The following SEMA3A variants were observed in gnomAD, a reference collection of about 807,000 sequenced individuals.
SEMA3A encodes the protein semaphorin 3A.
Under a neutral mutation model 97.9 loss-of-function variants are expected in SEMA3A, and 29 were observed. The observed-to-expected ratio is 0.30, with a 90% CI of 0.22 to 0.40. The LOEUF (loss-of-function observed/expected upper bound fraction) is 0.40, where lower values mean the gene tolerates loss of function less well. Ranked by LOEUF, SEMA3A falls within the 10% of genes least tolerant of loss-of-function variation. The pLI, the probability that SEMA3A is intolerant of heterozygous loss-of-function variation, is 1.00. For synonymous variants in SEMA3A, 321 were observed against 323.7 expected (o/e 0.99, Z 0.09); for missense variants, 763 against 951.3 (o/e 0.80, Z 2.60).
At chr7:84,109,527 T>A in intron 4 of SEMA3A, among the ~76,000 whole-genome samples, 1 of 152,242 alleles carries the variant, frequency 6.6e-6, no homozygotes. Flanking sequence ...TGATTTCTAA[T>A]TCATTTGGGT....
chr7:84,421,509 T>A (rs750288366), intron 1 of SEMA3A, among the ~76,000 whole-genome samples: 9 of 152,122 alleles, frequency 5.9e-5, no homozygotes, highest in Non-Finnish European at 1.0e-4. Context: ...ACTCTTTATT[T>A]GTTTCTCTTG....
chr7:84,456,237 T>G (rs941132446), intron 1 of SEMA3A, among the ~76,000 whole-genome samples: 1 of 151,934 alleles, frequency 6.6e-6, no homozygotes, highest in African/African-American at 2.4e-5. Flanking sequence ...TAAAAATAAA[T>G]TAGATATTCC....
chr7:84,144,674 TGA>T (rs1244944864), intron 1 of SEMA3A, among the ~76,000 whole-genome samples: 10 of 152,148 alleles, frequency 6.6e-5, no homozygotes, highest in Admixed American at 6.5e-4. Flanking sequence ...AATAAGCAAG[TGA>T]AAACATCTGT....
chr7:84,470,627 G>C (rs746599581), intron 1 of SEMA3A, among the ~76,000 whole-genome samples: 7 of 152,020 alleles, frequency 4.6e-5, no homozygotes, highest in Non-Finnish European at 7.4e-5. Context: ...CTCATATACA[G>C]ATCATGGCTA....
At chr7:84,430,972 A>C (rs1408946583) in intron 1 of SEMA3A, among the ~76,000 whole-genome samples, 1 of 151,972 alleles carries the variant, frequency 6.6e-6, no homozygotes, top group Non-Finnish European at 1.5e-5. Context: ...AGGTACACAG[A>C]TTTTCCATGT....
intron 1 of SEMA3A, among the ~76,000 whole-genome samples, chr7:84,152,172 C>T (rs548521777): frequency 0.08 from 12,147 of 151,444 alleles, 560 homozygotes; most frequent in Non-Finnish European, 0.11. Flanking sequence ...TACCATTTGA[C>T]CCAGCCATCC....
intron 3 of SEMA3A, among the ~76,000 whole-genome samples, chr7:84,287,361 A>C (rs1485930368): frequency 6.6e-6 from 1 of 152,064 alleles, no homozygotes; most frequent in Non-Finnish European, 1.5e-5. Flanking sequence ...CCTTACTCTT[A>C]AGGCAATTAA....
At chr7:84,328,731 G>C (rs1801834288) in intron 2 of SEMA3A, among the ~76,000 whole-genome samples, 1 of 151,678 alleles carries the variant, frequency 6.6e-6, no homozygotes, top group Non-Finnish European at 1.5e-5. Flanking sequence ...TAAGGATTTG[G>C]GGCCTCTACA....
chr7:84,343,353 G>T (rs142884288), intron 2 of SEMA3A, among the ~76,000 whole-genome samples: 1 of 152,288 alleles, frequency 6.6e-6, no homozygotes, highest in South Asian at 2.1e-4. Flanking sequence ...TACTCATAGG[G>T]TGATTATAAT....
At chr7:84,154,836 A>C (rs1222911432) in intron 1 of SEMA3A, among the ~76,000 whole-genome samples, 2 of 151,914 alleles carry the variant, frequency 1.3e-5, no homozygotes, top group Non-Finnish European at 2.9e-5. Context: ...CCTAGAATTG[A>C]AAAAAAATAG....
intron 6 of SEMA3A, among the ~76,000 whole-genome samples, chr7:84,025,906 T>G (rs971155077): frequency 1.3e-5 from 2 of 152,092 alleles, no homozygotes; most frequent in African/African-American, 4.8e-5. Flanking sequence ...CTACATGGAG[T>G]GTTTGCACCT....
intron 1 of SEMA3A, among the ~76,000 whole-genome samples, chr7:84,401,291 A>G (rs557425702): frequency 6.6e-6 from 1 of 152,288 alleles, no homozygotes; most frequent in African/African-American, 2.4e-5. Context: ...CTGGGAATAA[A>G]TTTAACCAAA....
At chr7:84,079,489 C>T (rs1445502206) in intron 4 of SEMA3A, among the ~76,000 whole-genome samples, 1 of 151,592 alleles carries the variant, frequency 6.6e-6, no homozygotes. Flanking sequence ...CTACAATGAA[C>T]TCAAACAAAT....
chr7:84,358,080 G>A (rs556610733), intron 2 of SEMA3A, among the ~76,000 whole-genome samples: 3 of 152,300 alleles, frequency 2.0e-5, no homozygotes, highest in African/African-American at 4.8e-5. Flanking sequence ...CTCCCATTCT[G>A]TAGGTTGCCT....
intron 14 of SEMA3A, among the ~76,000 whole-genome samples, chr7:83,977,835 G>A (rs1316453731): frequency 1.5e-5 from 2 of 130,712 alleles, no homozygotes; most frequent in Admixed American, 9.0e-5. Flanking sequence ...ACAGAATCTC[G>A]CTCTGTCGCC....
At chr7:84,337,379 T>C (rs1802063327) in intron 2 of SEMA3A, among the ~76,000 whole-genome samples, 1 of 152,172 alleles carries the variant, frequency 6.6e-6, no homozygotes, top group Non-Finnish European at 1.5e-5. Flanking sequence ...CATATACTTC[T>C]ATATTTTCCA....
chr7:84,177,527 T>C (rs1245745046), intron 1 of SEMA3A, among the ~76,000 whole-genome samples: 1 of 152,106 alleles, frequency 6.6e-6, no homozygotes, highest in Non-Finnish European at 1.5e-5. Context: ...TATTCAGTAA[T>C]AATGATAAAT....
intron 3 of SEMA3A, among the ~76,000 whole-genome samples, chr7:84,257,079 G>A: frequency 6.6e-6 from 1 of 152,000 alleles, no homozygotes; most frequent in East Asian, 1.9e-4. Flanking sequence ...GAAAGAGAGT[G>A]TCTCCACAAT....
chr7:84,069,751 AATC>A (rs1793671741), intron 4 of SEMA3A, among the ~76,000 whole-genome samples: 1 of 152,224 alleles, frequency 6.6e-6, no homozygotes, highest in South Asian at 2.1e-4. Flanking sequence ...TGCGTGTGAA[AATC>A]ATCAAATAAA....
Sources: allele counts gnomAD v4.1 joint callset (sites outside exome capture counted in the v4.1 genomes callset), GRCh38; gene constraint gnomAD v4.1.1; transcripts MANE v1.5; gene names NCBI Gene and HGNC (gene_info 2026-07-23, HGNC 2026-07-21).